The following PIWIL2 variants were observed in gnomAD, a reference collection of about 807,000 sequenced individuals.
PIWIL2 encodes the protein piwi-like protein 2.
In PIWIL2, 81 loss-of-function variants were observed where a neutral mutation model predicts 116.5. The ratio of observed to expected loss-of-function variants is 0.70; its 90% CI spans 0.58 to 0.84. The LOEUF is 0.84. Ranked by LOEUF, PIWIL2 falls within the 40% of genes least tolerant of loss-of-function variation. PIWIL2 has a pLI of 0.00. For synonymous variants in PIWIL2, 489 were observed against 429.5 expected (o/e 1.14, Z -1.71); for missense variants, 1,272 against 1,212.3 (o/e 1.05, Z -0.73).
intron 1 of PIWIL2, among the ~76,000 whole-genome samples, chr8:22,276,510 T>G (rs1830374684): frequency 6.6e-6 from 1 of 151,980 alleles, no homozygotes; most frequent in African/African-American, 2.4e-5. Context: ...GAGATGAGGG[T>G]TCACCATTTT....
chr8:22,288,492 T>G (rs763877730), intron 7 of PIWIL2, 50 bp from the exon 8 acceptor site: 3 of 1,509,446 alleles, frequency 2.0e-6, no homozygotes, highest in African/African-American at 2.8e-5. Flanking sequence ...ACTTGGTCAT[T>G]AGTTCTTAGT....
intron 4 of PIWIL2, among the ~76,000 whole-genome samples, chr8:22,282,000 T>G (rs1830515712): frequency 6.6e-6 from 1 of 151,198 alleles, no homozygotes. Flanking sequence ...CTTGAGCTCC[T>G]GACCTCAGGC....
At chr8:22,345,695 C>G (rs530337995) in intron 20 of PIWIL2, among the ~76,000 whole-genome samples, 6 of 152,170 alleles carry the variant, frequency 3.9e-5, no homozygotes, top group South Asian at 4.2e-4. Flanking sequence ...TAAAAACCCA[C>G]AAATGTCCAC....
chr8:22,287,084 C>CAA (rs775377576), intron 6 of PIWIL2, among the ~76,000 whole-genome samples: 16 of 141,454 alleles, frequency 1.1e-4, no homozygotes, highest in African/African-American at 4.2e-4. Context: ...GACCCTATCT[C>CAA]AAAAAAAAAA....
At chr8:22,282,283 C>T (rs1182863621) in intron 4 of PIWIL2, among the ~76,000 whole-genome samples, 1 of 107,160 alleles carries the variant, frequency 9.3e-6, no homozygotes, top group Non-Finnish European at 1.8e-5. Flanking sequence ...GAGACAGTCT[C>T]ACTCTGTCAC....
At chr8:22,288,886 G>A (rs191210430) in intron 8 of PIWIL2, among the ~76,000 whole-genome samples, 3 of 152,322 alleles carry the variant, frequency 2.0e-5, no homozygotes, top group African/African-American at 4.8e-5. Context: ...GGAGGTAGCT[G>A]GATAGGGGAA....
At chr8:22,328,076 T>C (rs918974280) in intron 20 of PIWIL2, among the ~76,000 whole-genome samples, 1 of 152,206 alleles carries the variant, frequency 6.6e-6, no homozygotes, top group African/African-American at 2.4e-5. Context: ...AACAATGTTA[T>C]ACTTTTTAAC....
chr8:22,282,475 C>G (rs1005852981), intron 4 of PIWIL2, among the ~76,000 whole-genome samples: 5 of 151,672 alleles, frequency 3.3e-5, no homozygotes, highest in Admixed American at 2.6e-4. Flanking sequence ...GGCGTGAGCC[C>G]CTGCACGCAG....
At chr8:22,326,082 A>G (rs1170217216) in intron 20 of PIWIL2, among the ~76,000 whole-genome samples, 1 of 151,998 alleles carries the variant, frequency 6.6e-6, no homozygotes, top group African/African-American at 2.4e-5. Context: ...TCCAGTGTCT[A>G]CTCATTTCAT....
At chr8:22,350,431 A>G (rs1473371907) in intron 20 of PIWIL2, among the ~76,000 whole-genome samples, 3 of 151,984 alleles carry the variant, frequency 2.0e-5, no homozygotes, top group Non-Finnish European at 4.4e-5. Flanking sequence ...CTCCATCTCT[A>G]CAAAAAATAC....
chr8:22,286,612 C>A (rs905410978), intron 6 of PIWIL2, among the ~76,000 whole-genome samples: 1 of 151,972 alleles, frequency 6.6e-6, no homozygotes, highest in Admixed American at 6.6e-5. Context: ...GTAACAACAA[C>A]AAAAAATTTT....
At chr8:22,349,149 A>G (rs147533906) in intron 20 of PIWIL2, among the ~76,000 whole-genome samples, 26 of 150,288 alleles carry the variant, frequency 1.7e-4, no homozygotes, top group African/African-American at 6.1e-4. Context: ...CCCGGGTTCA[A>G]TGCACGCCAC....
At chr8:22,336,123 T>C (rs1831976468) in intron 20 of PIWIL2, among the ~76,000 whole-genome samples, 2 of 152,148 alleles carry the variant, frequency 1.3e-5, no homozygotes, top group Non-Finnish European at 2.9e-5. Flanking sequence ...AATGGAAGAT[T>C]TGCACAACAC....
intron 10 of PIWIL2, among the ~76,000 whole-genome samples, chr8:22,295,540 C>G (rs931625383): frequency 2.1e-4 from 32 of 152,228 alleles, no homozygotes; most frequent in African/African-American, 7.7e-4. Flanking sequence ...GTGAGAAGGC[C>G]TGTGTCAGGC....
intron 10 of PIWIL2, among the ~76,000 whole-genome samples, chr8:22,290,966 G>GTATATATATATATATATATATATATA (rs1187699809): frequency 1.8e-4 from 26 of 148,422 alleles, no homozygotes; most frequent in Non-Finnish European, 3.2e-4. Context: ...ATACAGATGT[G>GTATATATATATATATATATATATATA]TATATATATT....
chr8:22,330,730 A>G (rs1421693645), intron 20 of PIWIL2, among the ~76,000 whole-genome samples: 2 of 150,680 alleles, frequency 1.3e-5, no homozygotes, highest in African/African-American at 2.4e-5. Context: ...ATAAATAAAT[A>G]AATAAATAAA....
In PIWIL2 at chr8:22,304,203, A is replaced by G. The variant is rs1831121663; in HGVS notation, c.1364A>G (p.Tyr455Cys). 1.2e-6 allele frequency: 2 copies of G among 1,610,978 alleles called. No individual in the cohort carries two copies. Among genetic ancestry groups the G allele is most frequent in the Non-Finnish European group, 1.7e-6 (2 of 1,177,694 alleles). The change falls in exon 11 of 23, where the codon TAC becomes TGC. Residue 455 changes from tyrosine (Y) to cysteine (C), a missense_variant. Physicochemically the swap from Tyr to Cys is radical, Grantham distance 194 (BLOSUM62 -2). Coordinates refer to ENST00000356766, the MANE Select transcript of PIWIL2 (RefSeq NM_018068.5). ...GGGAAAGAGATCACATTCTTGGAAT[A>G]CTACAGGTAGCAAGAAGAGACTGGG... is the stretch of plus-strand genomic sequence containing the variant. ...SDGKEITFLE[Y>C]YSKNYGITVK...
At chr8:22,313,223 A>G (rs1322476746) in intron 16 of PIWIL2, among the ~76,000 whole-genome samples, 1 of 152,102 alleles carries the variant, frequency 6.6e-6, no homozygotes, top group African/African-American at 2.4e-5. Context: ...TATCATCTCT[A>G]TGAGGAATCA....
chr8:22,306,928 ATAAAG>A (rs1831196221), intron 13 of PIWIL2, among the ~76,000 whole-genome samples: 3 of 152,226 alleles, frequency 2.0e-5, no homozygotes, highest in Non-Finnish European at 4.4e-5. Flanking sequence ...TCTCAGAAGA[ATAAAG>A]AAAGAACTCA....
Sources: allele counts gnomAD v4.1 joint callset (sites outside exome capture counted in the v4.1 genomes callset), GRCh38; gene constraint gnomAD v4.1.1; transcripts MANE v1.5; gene names NCBI Gene and HGNC (gene_info 2026-07-23, HGNC 2026-07-21).